The following MMP16 variants were observed in gnomAD, a reference collection of about 807,000 sequenced individuals.
MMP16 encodes the protein matrix metallopeptidase 16.
MMP16 carries 12 observed loss-of-function variants against 67.8 expected under a neutral mutation model. The observed-to-expected ratio is 0.18, with a 90% CI of 0.11 to 0.29. The LOEUF (loss-of-function observed/expected upper bound fraction) is 0.29, where lower values mean the gene tolerates loss of function less well. Among genes scored for constraint, MMP16 ranks in the 10% least tolerant of loss-of-function variants. The pLI, the probability that MMP16 is intolerant of heterozygous loss-of-function variation, is 1.00. For missense variants in MMP16, 475 were observed against 765.7 expected (o/e 0.62, Z 4.48); for synonymous variants, 249 against 255.9 (o/e 0.97, Z 0.26).
chr8:88,307,638 T>G (rs564976161), intron 1 of MMP16, among the ~76,000 whole-genome samples: 3 of 152,062 alleles, frequency 2.0e-5, no homozygotes, highest in Non-Finnish European at 4.4e-5. Context: ...CAAATGAGTC[T>G]CCATTTCCCT....
intron 1 of MMP16, among the ~76,000 whole-genome samples, chr8:88,229,936 C>T (rs1809832670): frequency 6.6e-6 from 1 of 152,092 alleles, no homozygotes; most frequent in African/African-American, 2.4e-5. Flanking sequence ...TATTTCTTCA[C>T]CTCTGAATCA....
intron 1 of MMP16, among the ~76,000 whole-genome samples, chr8:88,304,111 G>C (rs1409392253): frequency 6.6e-6 from 1 of 152,184 alleles, no homozygotes; most frequent in Non-Finnish European, 1.5e-5. Context: ...TAATTGACCT[G>C]ATGGAGCTGA....
chr8:88,183,483 A>G (rs2093864896), intron 3 of MMP16, among the ~76,000 whole-genome samples: 1 of 152,194 alleles, frequency 6.6e-6, no homozygotes, highest in Non-Finnish European at 1.5e-5. Context: ...AGAAATTTAT[A>G]TAATCTGAGA....
chr8:88,103,541 ATAG>A (rs939062773), intron 6 of MMP16, among the ~76,000 whole-genome samples: 2 of 151,798 alleles, frequency 1.3e-5, no homozygotes, highest in African/African-American at 4.8e-5. Context: ...CACAATACTA[ATAG>A]TAGTAGTAAT....
At chr8:88,061,129 C>T (rs958993500) in intron 7 of MMP16, among the ~76,000 whole-genome samples, 1 of 23,242 alleles carries the variant, frequency 4.3e-5, no homozygotes, top group Non-Finnish European at 8.9e-5. Flanking sequence ...GAATATTATA[C>T]ACACACACAC....
At chr8:88,098,760 A>G (rs62525896) in intron 6 of MMP16, among the ~76,000 whole-genome samples, 1 of 151,730 alleles carries the variant, frequency 6.6e-6, no homozygotes, top group Non-Finnish European at 1.5e-5. Context: ...CAAAGAAAAT[A>G]CAAGTATAAT....
Position 88,241,081 on chromosome 8 carries a change from GT to G in MMP16, c.133-43776del, listed in dbSNP as rs569535346. On this transcript the variant is annotated intron_variant, in intron 1 of 9. Coordinates refer to ENST00000286614, the MANE Select transcript of MMP16 (RefSeq NM_005941.5). ...TAGCATCTGGACTAAGTTTTGTTTT[GT>G]TTTTTTTTTTTCTTAAATAGTACTT... 3.8e-3 allele frequency among the ~76,000 whole-genome samples: 528 copies of G among 139,612 alleles called. 5 individuals carry two copies. In the Middle Eastern group the frequency reaches 0.048, roughly 13 times the overall value. 91.6% of individuals were successfully genotyped at this position (139,612 alleles called of 152,430 possible).
chr8:88,169,733 CA>C (rs1808769258), intron 3 of MMP16, among the ~76,000 whole-genome samples: 1 of 151,988 alleles, frequency 6.6e-6, no homozygotes, highest in African/African-American at 2.4e-5. Flanking sequence ...TTGGCAGGTT[CA>C]AAGAACAGCA....
chr8:88,205,870 A>C (rs1301545100), intron 1 of MMP16, among the ~76,000 whole-genome samples: 1 of 152,204 alleles, frequency 6.6e-6, no homozygotes, highest in Non-Finnish European at 1.5e-5. Context: ...TAAAAAATAC[A>C]GCATTCTTCA....
chr8:88,287,537 C>G (rs1384135291), intron 1 of MMP16, among the ~76,000 whole-genome samples: 3 of 152,162 alleles, frequency 2.0e-5, no homozygotes, highest in African/African-American at 7.2e-5. Flanking sequence ...CGGGTTGATG[C>G]AGAAATCATG....
At chr8:88,325,829 T>C (rs1811527679) in intron 1 of MMP16, among the ~76,000 whole-genome samples, 1 of 152,228 alleles carries the variant, frequency 6.6e-6, no homozygotes. Context: ...ATACTTTTTT[T>C]GTACTAACCA....
chr8:88,256,438 G>C (rs1810301725), intron 1 of MMP16, among the ~76,000 whole-genome samples: 1 of 151,934 alleles, frequency 6.6e-6, no homozygotes, highest in African/African-American at 2.4e-5. Context: ...GTCACCTACT[G>C]CTTGGTTTTC....
At chr8:88,144,335 G>C (rs1808258181) in intron 4 of MMP16, among the ~76,000 whole-genome samples, 1 of 151,606 alleles carries the variant, frequency 6.6e-6, no homozygotes, top group African/African-American at 2.4e-5. Context: ...CATACAAAAA[G>C]AAAGTTCTAA....
chr8:88,248,244 C>G (rs1490318271), intron 1 of MMP16, among the ~76,000 whole-genome samples: 1 of 151,988 alleles, frequency 6.6e-6, no homozygotes, highest in Non-Finnish European at 1.5e-5. Flanking sequence ...TTGAAGTAAG[C>G]ATATTGAATA....
chr8:88,285,264 C>T (rs572185672), intron 1 of MMP16, among the ~76,000 whole-genome samples: 8 of 152,112 alleles, frequency 5.3e-5, no homozygotes, highest in South Asian at 2.1e-4. Context: ...CTCAGCCTCC[C>T]GAGTAGCTGG....
intron 1 of MMP16, among the ~76,000 whole-genome samples, chr8:88,286,658 C>T (rs1016896213): frequency 4.6e-5 from 7 of 151,980 alleles, no homozygotes; most frequent in African/African-American, 1.7e-4. Context: ...TCACTGCAAG[C>T]TCCACCTCCA....
At chr8:88,200,131 T>C (rs768418869) in intron 1 of MMP16, among the ~76,000 whole-genome samples, 22 of 151,952 alleles carry the variant, frequency 1.4e-4, no homozygotes, top group Non-Finnish European at 3.2e-4. Context: ...GATAGGGCAA[T>C]ATTAAAAATA....
intron 1 of MMP16, among the ~76,000 whole-genome samples, chr8:88,232,898 T>C (rs766008014): frequency 4.6e-5 from 7 of 152,024 alleles, no homozygotes; most frequent in East Asian, 3.9e-4. Context: ...TCTTGAAAAA[T>C]AGAATATTCA....
At chr8:88,252,822 A>T (rs1263295093) in intron 1 of MMP16, among the ~76,000 whole-genome samples, 1 of 152,090 alleles carries the variant, frequency 6.6e-6, no homozygotes, top group South Asian at 2.1e-4. Flanking sequence ...CATTAGCCAG[A>T]TCAAAGCACT....
Sources: allele counts gnomAD v4.1 joint callset (sites outside exome capture counted in the v4.1 genomes callset), GRCh38; gene constraint gnomAD v4.1.1; transcripts MANE v1.5; gene names NCBI Gene and HGNC (gene_info 2026-07-23, HGNC 2026-07-21).